The following NLRC5 variants were observed in gnomAD, a reference collection of about 807,000 sequenced individuals.
NLRC5 encodes protein NLRC5.
A neutral mutation model predicts 206.9 loss-of-function variants in NLRC5; 114 were observed. The observed-to-expected ratio is 0.55, with a 90% CI of 0.47 to 0.64. The LOEUF (loss-of-function observed/expected upper bound fraction) is 0.64, where lower values mean the gene tolerates loss of function less well. NLRC5 is among the 30% of genes least tolerant of loss of function. The probability of loss-of-function intolerance (pLI) is 0.00; values close to 1 mark genes in which losing one functional copy is unlikely to be tolerated. For synonymous variants in NLRC5, 952 were observed against 962.8 expected (o/e 0.99, Z 0.21); for missense variants, 2,008 against 2,305.5 (o/e 0.87, Z 2.64).
rs1252537275 is a variant in NLRC5 at position 57,078,032 on chromosome 16, C to G, written c.5081+12C>G. The G allele has an allele frequency of 1.3e-6, 2 of 1,578,034 alleles. No individual in the cohort carries two copies. The highest frequency in any genetic ancestry group is 4.5e-5 in the East Asian group (2 of 44,174). On this transcript the variant is annotated intron_variant, in intron 43 of 48. Transcript: ENST00000688547. ...CTGAGGGTCCTACAGTGAGTGGCCC[C>G]CTGCCCATACCATGCAGGGCTGGTG...
chr16:57,053,025 A>G (rs1222255976), intron 24 of NLRC5: 1 of 152,242 alleles, frequency 6.6e-6, no homozygotes, highest in Non-Finnish European at 1.5e-5. Flanking sequence ...TGGGCCAGGC[A>G]TTGTGTGACG....
intron 1 of NLRC5, among the ~76,000 whole-genome samples, chr16:56,989,828 G>C (rs1167763640): frequency 6.6e-6 from 1 of 152,202 alleles, no homozygotes; most frequent in African/African-American, 2.4e-5. Context: ...CATGCGCCCC[G>C]GCAGTTTGGA....
intron 28 of NLRC5, 21 bp from the exon 29 acceptor site, chr16:57,058,951 T>C (rs2066051077): frequency 1.9e-6 from 3 of 1,609,318 alleles, no homozygotes; most frequent in Admixed American, 3.3e-5. Context: ...ACTCCCATTC[T>C]CATCTCCATT....
Position 57,025,736 on chromosome 16 carries a change from A to G in NLRC5, c.793A>G (p.Asn265Asp), listed in dbSNP as rs201169198. Reference protein sequence around the residue: ...ALFLFEFRQLNLITRFLTPSE... With the variant: ...ALFLFEFRQLDLITRFLTPSE... ...GTTCCTTTTTGAATTCCGCCAGCTCAACTTGATCACGAGGTTCCTGACACC... is the reference window on the plus strand; with the variant it reads ...GTTCCTTTTTGAATTCCGCCAGCTCGACTTGATCACGAGGTTCCTGACACC... The change falls in exon 6 of 49, where the codon AAC becomes GAC. Residue 265 changes from asparagine (N) to aspartate (D), a missense_variant. Coordinates refer to ENST00000688547, the MANE Select transcript of NLRC5 (RefSeq NM_001384950.1). 1.6e-5 allele frequency: 26 copies of G among 1,613,666 alleles called. No homozygotes were observed. Among genetic ancestry groups the G allele is most frequent in the Non-Finnish European group, 8.5e-7 (1 of 1,179,650 alleles).
rs767094325 is a variant in NLRC5, at chr16:57,026,836, C to T, written c.1893C>T (p.Thr631=). 17 of 1,614,110 alleles carry T rather than the reference C, an allele frequency of 1.1e-5. No homozygotes were observed. Among genetic ancestry groups the T allele is most frequent in the Middle Eastern group, 1.6e-4 (1 of 6,084 alleles). The change falls in exon 6 of 49, where the codon ACC becomes ACT. Residue 631 remains threonine (T), a synonymous_variant. Transcript: ENST00000688547. The part of the protein sequence containing the change: ...ETQEPELASL[T]AQSLPYQLPF... ...AGGAGCCTGAGCTGGCCAGTCTCAC[C>T]GCACAAAGCCTCCCCTATCAACTGC...
At chr16:57,013,713 G>A in intron 1 of NLRC5, 1 of 752,920 alleles carries the variant, frequency 1.3e-6, no homozygotes, top group Non-Finnish European at 2.4e-6. Flanking sequence ...TCCTTTGGTG[G>A]TTGTGCCTGA....
rs1478853867 is a variant in NLRC5, at chr16:57,023,844, C to T, written c.415C>T (p.Gln139Ter). 6.2e-7 allele frequency: 1 copy of T among 1,610,654 alleles called. No individual in the cohort carries two copies. Among genetic ancestry groups the T allele is most frequent in the Non-Finnish European group, 8.5e-7 (1 of 1,178,370 alleles). Residue 139 changes from glutamine to a stop codon, truncating the protein, a stop_gained, in exon 5 of 49, where the codon CAG becomes TAG. Transcript: ENST00000688547. LOFTEE classifies it high-confidence loss of function. ...ACCCCGCCGGAAGCAGTGCAAGAAGCAGCAGCTAGGTGGGTACCAGTGTGG... is the reference window on the plus strand; with the variant it reads ...ACCCCGCCGGAAGCAGTGCAAGAAGTAGCAGCTAGGTGGGTACCAGTGTGG... ...SSPRRKQCKK[Q>*]QLELAKKYLQ...
intron 1 of NLRC5, among the ~76,000 whole-genome samples, chr16:57,012,828 G>A (rs532463664): frequency 6.6e-6 from 1 of 152,136 alleles, no homozygotes; most frequent in Admixed American, 6.6e-5. Flanking sequence ...CATTCCCACC[G>A]GCAATATATA....
chr16:57,045,030 C>T (rs1169409085), intron 20 of NLRC5, among the ~76,000 whole-genome samples: 1 of 152,072 alleles, frequency 6.6e-6, no homozygotes, highest in Non-Finnish European at 1.5e-5. Flanking sequence ...CATGGCAAAA[C>T]CCCATCTCTA....
chr16:57,056,883 T>G (rs1201228078), intron 27 of NLRC5, among the ~76,000 whole-genome samples: 1 of 152,040 alleles, frequency 6.6e-6, no homozygotes, highest in Non-Finnish European at 1.5e-5. Context: ...GGTCTTGAAC[T>G]CCTGACCTCA....
chr16:57,058,038 C>T, intron 27 of NLRC5, 27 bp from the exon 28 acceptor site: 1 of 1,589,436 alleles, frequency 6.3e-7, no homozygotes. Context: ...ACCTCTGATC[C>T]CCGCCACTGC....
At chr16:57,068,030 A>G (rs1234617895) in intron 36 of NLRC5, among the ~76,000 whole-genome samples, 2 of 152,102 alleles carry the variant, frequency 1.3e-5, no homozygotes, top group Non-Finnish European at 2.9e-5. Context: ...CATGGCAAGA[A>G]AGTTGTTCCC....
intron 20 of NLRC5, among the ~76,000 whole-genome samples, chr16:57,044,155 A>AG (rs2143827846): frequency 7.2e-6 from 1 of 139,542 alleles, no homozygotes; most frequent in African/African-American, 2.8e-5. Context: ...CAAAAAAAAA[A>AG]AAAAAAGTAT....
At chr16:57,047,481 C>T (rs2064150590) in intron 22 of NLRC5, 64 bp from the exon 23 acceptor site, 1 of 1,429,928 alleles carries the variant, frequency 7.0e-7, no homozygotes, top group Non-Finnish European at 9.7e-7. Flanking sequence ...GATAGAGCCC[C>T]TGGGGCTAGC....
At chr16:57,047,760 C>T (rs575256406) in intron 23 of NLRC5, 132 bp downstream of exon 23, 7 of 751,446 alleles carry the variant, frequency 9.3e-6, no homozygotes, top group South Asian at 8.1e-5. Flanking sequence ...CCATGAGAGT[C>T]CCCTGGCCTT....
chr16:57,029,867 T>A lies in NLRC5; in HGVS notation c.2327+11T>A, dbSNP rs750657270. On this transcript the variant is annotated intron_variant, in intron 9 of 48. Transcript: ENST00000688547. ...GCTCCGGAAGCTTGAGTAAGTGATCTTTCCACTGCCTCTGCAGCCCAGTCC... is the reference window on the plus strand; with the variant it reads ...GCTCCGGAAGCTTGAGTAAGTGATCATTCCACTGCCTCTGCAGCCCAGTCC... The A allele has an allele frequency of 5.6e-6, 9 of 1,613,052 alleles. No individual in the cohort carries two copies. The South Asian group carries it at 9.9e-5, about 18-fold the overall frequency.
chr16:57,055,031 G>A lies in NLRC5; in HGVS notation c.3597-1G>A, dbSNP rs771419992. 1.9e-6 allele frequency: 3 copies of A among 1,614,094 alleles called. No homozygotes were observed. The highest frequency in any genetic ancestry group is 2.5e-6 in the Non-Finnish European group (3 of 1,180,054). On this transcript the variant is annotated splice_acceptor_variant, in intron 25 of 48. Coordinates refer to ENST00000688547, the MANE Select transcript of NLRC5 (RefSeq NM_001384950.1). LOFTEE classifies it high-confidence loss of function. ...TCTGACCCAGGTCCTGTCTGATCCA[G>A]GTCCCTGCACCATGCAACTTTGCAC...
At chr16:57,054,981 C>T (rs1279985631) in intron 25 of NLRC5, 51 bp from the exon 26 acceptor site, 1 of 1,608,990 alleles carries the variant, frequency 6.2e-7, no homozygotes, top group Non-Finnish European at 8.5e-7. Flanking sequence ...CCCGTGGGGG[C>T]ATCCTGAGGC....
intron 30 of NLRC5, among the ~76,000 whole-genome samples, chr16:57,060,916 C>T (rs1291760788): frequency 6.6e-6 from 1 of 152,246 alleles, no homozygotes; most frequent in African/African-American, 2.4e-5. Context: ...CCACCCAGGG[C>T]TGAGATGCCT....
Sources: allele counts gnomAD v4.1 joint callset (sites outside exome capture counted in the v4.1 genomes callset), GRCh38; gene constraint gnomAD v4.1.1; transcripts MANE v1.5; gene names NCBI Gene and HGNC (gene_info 2026-07-23, HGNC 2026-07-21).